TET2: variants seen among roughly 807,000 people sequenced by gnomAD.
The protein encoded by TET2 is methylcytosine dioxygenase TET2.
TET2 carries 299 observed loss-of-function variants against 142.9 expected under a neutral mutation model. That is an observed-to-expected ratio of 2.09 (90% confidence interval 1.90 to 2.30). The LOEUF is 2.30. TET2 is among the 30% of genes most tolerant of loss of function. The pLI, the probability that TET2 is intolerant of heterozygous loss-of-function variation, is 0.00. For synonymous variants in TET2, 819 were observed against 849.0 expected, an observed-to-expected ratio of 0.96 and a Z score of 0.61; for missense variants, 2,418 against 2,378.0, an observed-to-expected ratio of 1.02 and a Z score of -0.35.
intron 7 of TET2, among the ~76,000 whole-genome samples, chr4:105,261,355 A>G (rs1384078365): frequency 4.6e-5 from 7 of 152,250 alleles, no homozygotes; most frequent in Admixed American, 3.3e-4. Context: ...TTTAAATACT[A>G]TCTTTATAAA....
At position 105,236,485 on chromosome 4, in the gene TET2, C is replaced by T; in HGVS notation, c.2543C>T (p.Thr848Ile). ...CTAGTTTCAGAGAATAAAGAACAGACTACACATCCTGAACTTTTTGCAGGA... is the reference window on the plus strand; with the variant it reads ...CTAGTTTCAGAGAATAAAGAACAGATTACACATCCTGAACTTTTTGCAGGA... The part of the protein sequence containing the change: ...THLVSENKEQ[T>I]THPELFAGNK... Residue 848 changes from threonine (T) to isoleucine (I), a missense_variant, in exon 3 of 11, where the codon ACT (threonine) becomes ATT (isoleucine). Thr to Ile is a moderately conservative substitution (Grantham distance 89). Transcript: ENST00000380013. The T allele has an allele frequency of 5.0e-6, 8 of 1,614,114 alleles. No individual in the cohort carries two copies. The highest frequency in any genetic ancestry group is 5.9e-6 in the Non-Finnish European group (7 of 1,179,992).
chr4:105,169,639 C>G (rs1219825102), intron 1 of TET2, among the ~76,000 whole-genome samples: 1 of 152,154 alleles, frequency 6.6e-6, no homozygotes, highest in East Asian at 1.9e-4. Flanking sequence ...GGTTCTTGGT[C>G]ATGAAGTCTT....
At position 105,275,671 on chromosome 4, in the gene TET2, T is replaced by TTGCCTCCTTATCCCACTCATGAGATGGA; in HGVS notation, c.5164_5191dup (p.Gly1731AlafsTer7). 1 of 1,551,822 alleles carries TTGCCTCCTTATCCCACTCATGAGATGGA rather than the reference T, an allele frequency of 6.4e-7. No homozygotes were observed. The highest frequency in any genetic ancestry group is 8.7e-7 in the Non-Finnish European group (1 of 1,146,994). On this transcript the variant is annotated frameshift_variant, in exon 11 of 11. Transcript: ENST00000380013. LOFTEE classifies it low-confidence loss of function (END_TRUNC). ...ACCAAATGTACATCATGTAGGGAAA[T>TTGCCTCCTTATCCCACTCATGAGATGGA]TGCCTCCTTATCCCACTCATGAGAT...
chr4:105,188,787 G>A (rs753288829), intron 1 of TET2, among the ~76,000 whole-genome samples: 2 of 152,056 alleles, frequency 1.3e-5, no homozygotes, highest in Admixed American at 6.6e-5. Flanking sequence ...TATATATAAA[G>A]TCGTTCAAAA....
At chr4:105,246,102 T>C (rs1729570030) in intron 6 of TET2, among the ~76,000 whole-genome samples, 1 of 152,184 alleles carries the variant, frequency 6.6e-6, no homozygotes, top group South Asian at 2.1e-4. Context: ...TTTGTATTTT[T>C]AGTAGAGACA....
intron 2 of TET2, among the ~76,000 whole-genome samples, chr4:105,204,278 T>C (rs942586926): frequency 2.9e-4 from 41 of 141,264 alleles, no homozygotes; most frequent in African/African-American, 1.0e-3. Context: ...CATACATACA[T>C]ACATTAGAAA....
rs374094417 is a variant in TET2 at position 105,275,187 on chromosome 4, T to A, written c.4677T>A (p.Ser1559=). The A allele has an allele frequency of 6.4e-7, 1 of 1,552,234 alleles. No homozygotes were observed. The highest frequency in any genetic ancestry group is 1.2e-5 in the South Asian group (1 of 84,058). The change falls in exon 11 of 11, where the codon TCT becomes TCA. Residue 1559 remains serine, a synonymous_variant. Transcript: ENST00000380013. ...PHHPQTESVN[S]YSASGSTNPY... ...ACCCTCAGACAGAGTCTGTCAACTCTTATTCTGCTTCTGGATCCACCAATC... is the reference window on the plus strand; with the variant it reads ...ACCCTCAGACAGAGTCTGTCAACTCATATTCTGCTTCTGGATCCACCAATC...
intron 2 of TET2, among the ~76,000 whole-genome samples, chr4:105,194,234 A>G (rs1290697103): frequency 6.6e-6 from 1 of 152,156 alleles, no homozygotes; most frequent in East Asian, 1.9e-4. Context: ...CATTTTTCTA[A>G]TTAACATACA....
chr4:105,263,253 T>C lies in TET2; in HGVS notation c.4044+1405T>C, dbSNP rs563149039. Among the ~76,000 whole-genome samples, 3 of 152,300 alleles carry C rather than the reference T, an allele frequency of 2.0e-5. No individual in the cohort carries two copies. The South Asian group carries it at 6.2e-4, about 32-fold the overall frequency. The stretch of plus-strand genomic sequence containing the variant: ...TTCTGTAGGTAACCATTGGGCTGTT[T>C]CAAGTGTGTGTTGGGGATGGAAGGG... On this transcript the variant is annotated intron_variant, in intron 8 of 10. Coordinates refer to ENST00000380013, the MANE Select transcript of TET2 (RefSeq NM_001127208.3).
chr4:105,226,502 T>C (rs1728198844), intron 2 of TET2, among the ~76,000 whole-genome samples: 1 of 152,100 alleles, frequency 6.6e-6, no homozygotes, highest in Non-Finnish European at 1.5e-5. Flanking sequence ...GTTTGGATTA[T>C]TGGGGCAGAT....
At chr4:105,262,206 G>A (rs779321591) in intron 8 of TET2, among the ~76,000 whole-genome samples, 6 of 152,090 alleles carry the variant, frequency 3.9e-5, no homozygotes, top group Non-Finnish European at 7.4e-5. Flanking sequence ...AAGTCTATAA[G>A]TATAAATGAG....
In TET2 at chr4:105,253,442, T is replaced by G. The variant is rs183197793; in HGVS notation, c.3804-6177T>G. 5.5e-3 allele frequency among the ~76,000 whole-genome samples: 833 copies of G among 152,212 alleles called. 2 individuals are homozygous for G. The highest frequency in any genetic ancestry group is 9.9e-3 in the Non-Finnish European group (674 of 67,934). ...GGGGGTGCTAATGGTAATGTATTTT[T>G]ATCTCAGATTCTGCTTGTACATTGC... On this transcript the variant is annotated intron_variant, in intron 6 of 10. Transcript: ENST00000380013.
At chr4:105,178,459 A>G (rs943083277) in intron 1 of TET2, among the ~76,000 whole-genome samples, 4 of 152,374 alleles carry the variant, frequency 2.6e-5, no homozygotes, top group Non-Finnish European at 4.4e-5. Context: ...TTTTTAGTGC[A>G]GTGAAATGAA....
intron 2 of TET2, among the ~76,000 whole-genome samples, chr4:105,217,115 T>C (rs1445289259): frequency 6.6e-6 from 1 of 151,944 alleles, no homozygotes; most frequent in African/African-American, 2.4e-5. Flanking sequence ...AACACTAAAA[T>C]AACAATCAAC....
At chr4:105,190,759 G>T in intron 2 of TET2, 1 of 397,166 alleles carries the variant, frequency 2.5e-6, no homozygotes, top group Non-Finnish European at 4.5e-6. Flanking sequence ...TGTCTATGGA[G>T]TTTTTAAAAA....
rs375859408 is a variant in TET2, at chr4:105,269,646, G to C, written c.4081G>C (p.Gly1361Arg). The change falls in exon 9 of 11, where the codon GGT becomes CGT. Residue 1361 changes from glycine to arginine, a missense_variant. Gly to Arg is a moderately radical substitution (Grantham distance 125). Transcript: ENST00000380013. ...YEHRAPECRL[G>R]LKEGRPFSGV... The stretch of plus-strand genomic sequence containing the variant: ...ACACAGAGCACCAGAGTGCCGTCTG[G>C]GTCTGAAGGAAGGCCGTCCATTCTC... 6.4e-7 allele frequency: 1 copy of C among 1,551,484 alleles called. No individual in the cohort carries two copies. Among genetic ancestry groups the C allele is most frequent in the Non-Finnish European group, 8.7e-7 (1 of 1,146,900 alleles).
chr4:105,273,706 TTGAG>T (rs1731070585), intron 10 of TET2, among the ~76,000 whole-genome samples: 1 of 151,968 alleles, frequency 6.6e-6, no homozygotes, highest in Admixed American at 6.6e-5. Context: ...GAAAATATGA[TTGAG>T]AGAGAGAGAG....
intron 2 of TET2, among the ~76,000 whole-genome samples, chr4:105,204,507 T>C (rs1198796116): frequency 1.1e-4 from 16 of 152,302 alleles, no homozygotes; most frequent in Non-Finnish European, 1.3e-4. Flanking sequence ...AACTGTTAGT[T>C]TTCCCTTCTT....
intron 8 of TET2, among the ~76,000 whole-genome samples, chr4:105,263,301 T>TG (rs1450887226): frequency 1.3e-4 from 20 of 152,304 alleles, no homozygotes; most frequent in African/African-American, 4.1e-4. Flanking sequence ...ATTCGTATTT[T>TG]GAAAAATTTA....
Sources: gnomAD v4.1 joint callset for allele counts (sites outside exome capture counted in the v4.1 genomes callset) on GRCh38, gnomAD v4.1.1 for gene constraint, MANE v1.5 for transcripts, NCBI Gene and HGNC (gene_info 2026-07-23, HGNC 2026-07-21) for gene names.